The following TTLL6 variants were observed in gnomAD, a reference collection of about 807,000 sequenced individuals.
TTLL6 encodes the protein tubulin polyglutamylase TTLL6.
In TTLL6, 75 loss-of-function variants were observed where a neutral mutation model predicts 96.4. That is an observed-to-expected ratio of 0.78 (90% CI 0.65 to 0.94). TTLL6 has a LOEUF of 0.94. TTLL6 is among the 40% of genes least tolerant of loss of function. TTLL6 has a pLI of 0.00. For synonymous variants in TTLL6, 411 were observed against 419.4 expected, an observed-to-expected ratio of 0.98 and a Z score of 0.24; for missense variants, 1,030 against 1,093.0, an observed-to-expected ratio of 0.94 and a Z score of 0.81.
At chr17:48,791,664 G>T in intron 8 of TTLL6, 61 bp from the exon 9 acceptor site, 1 of 1,423,732 alleles carries the variant, frequency 7.0e-7, no homozygotes, top group Non-Finnish European at 9.6e-7. Flanking sequence ...CGAGGCCATG[G>T]CATGCTGGAA....
intron 10 of TTLL6, among the ~76,000 whole-genome samples, chr17:48,789,116 T>A (rs1468278542): frequency 8.9e-5 from 13 of 145,566 alleles, no homozygotes; most frequent in African/African-American, 1.0e-4. Context: ...TTCTTTATAG[T>A]AAAAAAAAAA....
Position 48,801,582 on chromosome 17 carries a change from G to C in TTLL6, c.423C>G (p.Leu141=), listed in dbSNP as rs2039415023. ...GTGACACTGAGTAATCTGTCCAATAGAGAGTCCAGTCATCGTCTTCCCCTC... is the reference window on the plus strand; with the variant it reads ...GTGACACTGAGTAATCTGTCCAATACAGAGTCCAGTCATCGTCTTCCCCTC... ...REGGEDDDWT[L]YWTDYSVSLE... is the part of the protein sequence containing the mutation. Residue 141 remains leucine, a synonymous_variant, in exon 4 of 16, where the codon CTC becomes CTG. Coordinates refer to ENST00000393382, the MANE Select transcript of TTLL6 (RefSeq NM_001130918.3). 1 of 1,551,704 alleles carries C rather than the reference G, an allele frequency of 6.4e-7. No homozygotes were observed.
At chr17:48,790,530 G>C (rs1467052228) in intron 9 of TTLL6, among the ~76,000 whole-genome samples, 1 of 152,186 alleles carries the variant, frequency 6.6e-6, no homozygotes, top group African/African-American at 2.4e-5. Context: ...GGAGGAAGGA[G>C]AGGACTCATT....
rs1030230659 is a variant in TTLL6 at position 48,797,052 on chromosome 17, T to C, written c.912+9A>G. 3.2e-6 allele frequency: 5 copies of C among 1,550,524 alleles called. No individual in the cohort carries two copies. In the African/African-American group the frequency reaches 4.1e-5, roughly 13 times the overall value. On this transcript the variant is annotated intron_variant, in intron 7 of 15. Coordinates refer to ENST00000393382, the MANE Select transcript of TTLL6 (RefSeq NM_001130918.3). Reference sequence around the variant, plus strand: ...GGGTAGGGTGAGGTAGTGTGTCTCCTTAGCTCACCAGGTTGTCTGTGCAAG... The same window carrying C: ...GGGTAGGGTGAGGTAGTGTGTCTCCCTAGCTCACCAGGTTGTCTGTGCAAG...
intron 8 of TTLL6, among the ~76,000 whole-genome samples, chr17:48,795,329 G>GAAAAA (rs796848295): frequency 1.1e-4 from 8 of 73,284 alleles, no homozygotes; most frequent in South Asian, 3.7e-4. Flanking sequence ...AGTCTCAAAA[G>GAAAAA]AAAAAAAAAA....
intron 1 of TTLL6, among the ~76,000 whole-genome samples, chr17:48,813,525 C>T (rs2039623405): frequency 6.6e-6 from 1 of 152,170 alleles, no homozygotes; most frequent in African/African-American, 2.4e-5. Flanking sequence ...CACAACTGCA[C>T]TCCAGCCTGG....
In TTLL6 at chr17:48,787,332, G is replaced by C. The variant is rs1203218534; in HGVS notation, c.1589+479C>G. ...GAGCTACTTCTCTCCACTTCACATA[G>C]GGAATCTTCCAATTCCTTGTCCTTG... On this transcript the variant is annotated intron_variant, in intron 11 of 15. Transcript: ENST00000393382. 3.3e-5 allele frequency among the ~76,000 whole-genome samples: 5 copies of C among 152,242 alleles called. No individual in the cohort carries two copies. The East Asian group carries it at 9.7e-4, about 29-fold the overall frequency.
At chr17:48,811,909 C>T (rs1464238922) in intron 1 of TTLL6, among the ~76,000 whole-genome samples, 1 of 152,160 alleles carries the variant, frequency 6.6e-6, no homozygotes, top group Non-Finnish European at 1.5e-5. Context: ...CCATGTTGGC[C>T]AGGCTGGTTT....
chr17:48,786,460 T>C (rs1421803198), intron 11 of TTLL6, 125 bp from the exon 12 acceptor site: 1 of 1,081,350 alleles, frequency 9.2e-7, no homozygotes, highest in Admixed American at 1.9e-5. Context: ...TCCTCCAACA[T>C]ATCCAGTCTG....
intron 13 of TTLL6, among the ~76,000 whole-genome samples, chr17:48,777,494 G>C (rs572856095): frequency 3.3e-5 from 5 of 152,298 alleles, no homozygotes; most frequent in South Asian, 2.1e-4. Flanking sequence ...ACTTTGGGAG[G>C]CCGAGGCGGG....
intron 13 of TTLL6, among the ~76,000 whole-genome samples, 167 bp downstream of exon 13, chr17:48,784,756 C>T (rs1165510090): frequency 6.6e-6 from 1 of 152,192 alleles, no homozygotes; most frequent in South Asian, 2.1e-4. Flanking sequence ...AAATGCCGGT[C>T]CTCCCAGCAG....
intron 3 of TTLL6, among the ~76,000 whole-genome samples, chr17:48,802,219 A>C (rs1016952977): frequency 6.6e-6 from 1 of 152,176 alleles, no homozygotes; most frequent in Admixed American, 6.5e-5. Flanking sequence ...TCCCCGTAGA[A>C]GGTTATCTGA....
intron 13 of TTLL6, among the ~76,000 whole-genome samples, chr17:48,770,510 G>GTTATTATTA (rs145832180): frequency 0.032 from 4,693 of 147,822 alleles, 134 homozygotes; most frequent in Non-Finnish European, 0.046. Flanking sequence ...TATTGTTGTT[G>GTTATTATTA]TTATTATTAT....
chr17:48,784,872 C>G (rs1005058681), intron 13 of TTLL6, 51 bp downstream of exon 13: 3 of 1,511,442 alleles, frequency 2.0e-6, no homozygotes, highest in African/African-American at 2.7e-5. Context: ...GAGAAAGGAC[C>G]AGTAAGCAAG....
rs533124692 is a variant in TTLL6 at position 48,784,262 on chromosome 17, CGGCATGGTGGTGTGT to C, written c.2040+646_2040+660del. Reference sequence around the variant, plus strand: ...TCGACAAAAAATACAAAAATTAGCCCGGCATGGTGGTGTGTGCCTGCAGTCCCAGCTACTTGGGAG... The same window carrying C: ...TCGACAAAAAATACAAAAATTAGCCCGCCTGCAGTCCCAGCTACTTGGGAG... On this transcript the variant is annotated intron_variant, in intron 13 of 15. Coordinates refer to ENST00000393382, the MANE Select transcript of TTLL6 (RefSeq NM_001130918.3). 2.0e-3 allele frequency among the ~76,000 whole-genome samples: 297 copies of C among 151,990 alleles called. 1 individual carries two copies. Among genetic ancestry groups the C allele is most frequent in the African/African-American group, 6.9e-3 (288 of 41,488 alleles).
At position 48,769,962 on chromosome 17, in the gene TTLL6, A is replaced by G; in HGVS notation, c.2176T>C (p.Cys726Arg). Residue 726 changes from cysteine (C) to arginine (R), a missense_variant, in exon 14 of 16, where the codon TGC becomes CGC. By Grantham distance (180) the Cys-to-Arg change is radical. Transcript: ENST00000393382. ...PETDRVVSFK[C>R]KKQQTPPHLT... Reference sequence around the variant, plus strand: ...TGTGGAGGGGTCTGCTGCTTCTTGCATTTAAAGGATACCACCCTGTCCGTC... The same window carrying G: ...TGTGGAGGGGTCTGCTGCTTCTTGCGTTTAAAGGATACCACCCTGTCCGTC... The G allele has an allele frequency of 3.7e-6, 6 of 1,614,116 alleles. No individual in the cohort carries two copies. In the East Asian group the frequency reaches 1.1e-4, roughly 30 times the overall value.
intron 9 of TTLL6, among the ~76,000 whole-genome samples, chr17:48,790,687 T>C (rs1034809276): frequency 3.3e-5 from 5 of 152,170 alleles, no homozygotes; most frequent in Non-Finnish European, 4.4e-5. Flanking sequence ...CCACCACACC[T>C]ACAAGGGCTG....
intron 15 of TTLL6, chr17:48,765,955 C>T (rs1289741838): frequency 6.6e-6 from 1 of 152,178 alleles, no homozygotes; most frequent in Non-Finnish European, 1.5e-5. Context: ...AAGAAGTCTT[C>T]CCTAAGGAAC....
intron 13 of TTLL6, among the ~76,000 whole-genome samples, chr17:48,777,744 T>TAAAAAA (rs34448797): frequency 7.0e-6 from 1 of 143,214 alleles, no homozygotes; most frequent in Non-Finnish European, 1.5e-5. Flanking sequence ...AAAAAAAAAA[T>TAAAAAA]ATACAAAAAT....
Sources: allele counts gnomAD v4.1 joint callset (sites outside exome capture counted in the v4.1 genomes callset), GRCh38; gene constraint gnomAD v4.1.1; transcripts MANE v1.5; gene names NCBI Gene and HGNC (gene_info 2026-07-23, HGNC 2026-07-21).